Variants in UBR1 observed in about 807,000 individuals in gnomAD.
UBR1 encodes the protein E3 ubiquitin-protein ligase UBR1.
UBR1 carries 102 observed loss-of-function variants against 242.1 expected under a neutral mutation model. That is an observed-to-expected ratio of 0.42 (90% confidence interval 0.36 to 0.50). The LOEUF is 0.50. UBR1 is among the 20% of genes least tolerant of loss of function. The pLI is 0.01. For synonymous variants in UBR1, 675 were observed against 684.8 expected (o/e 0.99, Z 0.22); for missense variants, 1,772 against 2,101.8 (o/e 0.84, Z 3.07).
In UBR1 at chr15:42,952,307, G is replaced by A; in HGVS notation, c.4977C>T (p.His1659=). Residue 1659 remains histidine, a synonymous_variant, in exon 45 of 47, where the codon CAC becomes CAT. Coordinates refer to ENST00000290650, the MANE Select transcript of UBR1 (RefSeq NM_174916.3). ...GGAAAATGCAGACTCCGGCTCCACA[G>A]TGAAGTGCGTGAAAAATGCAAGCTC... ...EVGACIFHAL[H]CGAGVCIFLK... 2 of 1,614,150 alleles carry A rather than the reference G, an allele frequency of 1.2e-6. No individual in the cohort carries two copies. The highest frequency in any genetic ancestry group is 1.7e-6 in the Non-Finnish European group (2 of 1,180,024).
chr15:43,088,050 G>A (rs1197647345), intron 1 of UBR1, among the ~76,000 whole-genome samples: 2 of 152,214 alleles, frequency 1.3e-5, no homozygotes, highest in Admixed American at 6.5e-5. Flanking sequence ...AAGAGCCTGG[G>A]AAAAACTTAG....
In UBR1 at chr15:43,052,730, TGA is replaced by T. The variant is rs764689896; in HGVS notation, c.1439+2010_1439+2011del. ...AGATGTGACTACAGAATTTCTACAA[TGA>T]GAGACTGAGAAAGCAATTAACACGA... On this transcript the variant is annotated intron_variant, in intron 12 of 46. Transcript: ENST00000290650. Among the ~76,000 whole-genome samples, 40 of 152,294 alleles carry T rather than the reference TGA, an allele frequency of 2.6e-4. 1 individual carries two copies. Among genetic ancestry groups the T allele is most frequent in the Admixed American group, 1.6e-3 (25 of 15,302 alleles).
At chr15:42,995,409 C>T (rs2032621459) in intron 33 of UBR1, among the ~76,000 whole-genome samples, 1 of 151,274 alleles carries the variant, frequency 6.6e-6, no homozygotes, top group African/African-American at 2.4e-5. Context: ...CCTGTAATCC[C>T]AGCACTTTGG....
chr15:43,102,584 G>A (rs191578659), intron 1 of UBR1, among the ~76,000 whole-genome samples: 12 of 152,296 alleles, frequency 7.9e-5, no homozygotes, highest in African/African-American at 2.6e-4. Context: ...AAATCTAGTC[G>A]AGGAAGACAG....
At chr15:43,061,582 CAT>C (rs1054980436) in intron 6 of UBR1, among the ~76,000 whole-genome samples, 2 of 152,000 alleles carry the variant, frequency 1.3e-5, no homozygotes, top group African/African-American at 2.4e-5. Flanking sequence ...TACACACACA[CAT>C]ATATGTATAT....
At chr15:43,101,373 TAGCCA>T in intron 1 of UBR1, among the ~76,000 whole-genome samples, 1 of 152,296 alleles carries the variant, frequency 6.6e-6, no homozygotes, top group Non-Finnish European at 1.5e-5. Context: ...GTCACTGCAG[TAGCCA>T]AGACAACAGA....
At chr15:43,028,912 C>T (rs2141309205) in intron 21 of UBR1, among the ~76,000 whole-genome samples, 1 of 151,952 alleles carries the variant, frequency 6.6e-6, no homozygotes, top group African/African-American at 2.4e-5. Context: ...GGTGAAATCC[C>T]ATCTCTACCA....
chr15:43,038,335 G>A (rs997091488), intron 15 of UBR1, 103 bp from the exon 16 acceptor site: 5 of 1,156,550 alleles, frequency 4.3e-6, no homozygotes, highest in Admixed American at 3.6e-5. Flanking sequence ...TTGGCTGGGC[G>A]CGGTGGCTCA....
chr15:43,074,954 ATT>A, intron 4 of UBR1, 23 bp downstream of exon 4: 1 of 1,563,294 alleles, frequency 6.4e-7, no homozygotes, highest in Non-Finnish European at 8.8e-7. Context: ...ATAGTTAACA[ATT>A]TTTAACAAAA....
intron 44 of UBR1, 85 bp from the exon 45 acceptor site, chr15:42,952,533 A>C: frequency 1.3e-6 from 2 of 1,493,628 alleles, no homozygotes; most frequent in Non-Finnish European, 1.9e-6. Context: ...GCAATCAAGC[A>C]TGTTTTCATC....
At chr15:42,952,711 T>C (rs1044909509) in intron 44 of UBR1, among the ~76,000 whole-genome samples, 4 of 152,204 alleles carry the variant, frequency 2.6e-5, no homozygotes, top group African/African-American at 9.6e-5. Flanking sequence ...TCATAAAGTA[T>C]GGTGGTTGAA....
chr15:43,007,781 T>C (rs2032856222), intron 29 of UBR1, among the ~76,000 whole-genome samples: 1 of 152,220 alleles, frequency 6.6e-6, no homozygotes, highest in Non-Finnish European at 1.5e-5. Context: ...TCACTTATAG[T>C]ATCTTACATC....
chr15:43,012,022 C>G, intron 29 of UBR1: 1 of 394,658 alleles, frequency 2.5e-6, no homozygotes, highest in Non-Finnish European at 5.0e-6. Flanking sequence ...GTCAGGAGAT[C>G]AAGACCATCC....
intron 37 of UBR1, among the ~76,000 whole-genome samples, chr15:42,980,141 G>A (rs1304433829): frequency 1.3e-5 from 2 of 151,808 alleles, no homozygotes; most frequent in Non-Finnish European, 2.9e-5. Flanking sequence ...CTGATCCCTC[G>A]TCCTAATTTC....
intron 17 of UBR1, 92 bp downstream of exon 17, chr15:43,037,680 AG>A: frequency 9.8e-7 from 1 of 1,025,550 alleles, no homozygotes; most frequent in Middle Eastern, 2.0e-4. Flanking sequence ...ACATACACTC[AG>A]TAAAATCTAG....
intron 15 of UBR1, among the ~76,000 whole-genome samples, chr15:43,039,202 C>CT (rs1360478848): frequency 6.6e-6 from 1 of 151,968 alleles, no homozygotes; most frequent in Non-Finnish European, 1.5e-5. Context: ...GGATCAAAGA[C>CT]TTTAAACACA....
At chr15:43,095,641 A>C (rs1487904388) in intron 1 of UBR1, among the ~76,000 whole-genome samples, 1 of 152,206 alleles carries the variant, frequency 6.6e-6, no homozygotes, top group Non-Finnish European at 1.5e-5. Context: ...AAATATCTTG[A>C]AAGAACATGT....
chr15:43,000,895 A>G (rs1037395588), intron 32 of UBR1, among the ~76,000 whole-genome samples: 1 of 151,974 alleles, frequency 6.6e-6, no homozygotes, highest in Non-Finnish European at 1.5e-5. Context: ...GTGCAATGGT[A>G]TGGTCTCGGC....
At chr15:42,992,769 T>C (rs765339221) in intron 33 of UBR1, among the ~76,000 whole-genome samples, 1 of 152,198 alleles carries the variant, frequency 6.6e-6, no homozygotes, top group Non-Finnish European at 1.5e-5. Context: ...TTTTCCCCAG[T>C]TTCTCTGGCC....
Sources: allele counts gnomAD v4.1 joint callset (sites outside exome capture counted in the v4.1 genomes callset), GRCh38; gene constraint gnomAD v4.1.1; transcripts MANE v1.5; gene names NCBI Gene and HGNC (gene_info 2026-07-23, HGNC 2026-07-21).